The following PTGIS variants were observed in gnomAD, a reference collection of about 807,000 sequenced individuals.
PTGIS encodes prostaglandin I2 synthase.
In PTGIS, 45 loss-of-function variants were observed where a neutral mutation model predicts 50.3. That is an observed-to-expected ratio of 0.90 (90% CI 0.70 to 1.15). The LOEUF (loss-of-function observed/expected upper bound fraction) is 1.15, where lower values mean the gene tolerates loss of function less well. Among genes scored for constraint, PTGIS ranks in the 50% most tolerant of loss-of-function variants. The probability of loss-of-function intolerance (pLI) is 0.00; values close to 1 mark genes in which losing one functional copy is unlikely to be tolerated. For synonymous variants in PTGIS, 260 were observed against 267.7 expected (o/e 0.97, Z 0.28); for missense variants, 668 against 661.3 (o/e 1.01, Z -0.11).
At position 49,539,688 on chromosome 20, in the gene PTGIS, C is replaced by T. The variant is rs572751437; in HGVS notation, c.555G>A (p.Ala185=). ...CCTGGCTTTCATGGGTGCGTGGCAG[C>T]GCCTCAATTCCGTAAAGAGTCAGGT... ...AGYLTLYGIE[A]LPRTHESQAQ... Residue 185 remains alanine (A), a synonymous_variant, in exon 5 of 10, where the codon GCG becomes GCA. Transcript: ENST00000244043. The T allele has an allele frequency of 5.0e-6, 8 of 1,613,422 alleles. No homozygotes were observed. The highest frequency in any genetic ancestry group is 1.1e-5 in the South Asian group (1 of 90,962).
chr20:49,505,080 G>A lies in PTGIS; in HGVS notation c.*2840C>T, dbSNP rs971530786. On this transcript the variant is annotated 3_prime_UTR_variant, in exon 10 of 10. Coordinates refer to ENST00000244043, the MANE Select transcript of PTGIS (RefSeq NM_000961.4). ...AGAGCTTGCAGTGAGCCGAGATCAC[G>A]CCACTGCACTCTAGCCTGGGCAGCA... 1.5e-5 allele frequency: 2 copies of A among 133,284 alleles called. No individual in the cohort carries two copies. Among genetic ancestry groups the A allele is most frequent in the Non-Finnish European group, 3.0e-5 (2 of 66,194 alleles). The allele number at this position is 133,284 out of a possible 1,614,324, so 8.3% of individuals were successfully genotyped here. A position where few individuals can be genotyped will look rare whatever the true frequency, so the allele number is the denominator to read the frequency against.
rs777270308 is a variant in PTGIS at position 49,508,057 on chromosome 20, A to G, written c.1366T>C (p.Phe456Leu). 1.2e-5 allele frequency: 19 copies of G among 1,613,758 alleles called. No individual in the cohort carries two copies. Among genetic ancestry groups the G allele is most frequent in the Non-Finnish European group, 2.5e-6 (3 of 1,180,034 alleles). The part of the protein sequence containing the change: ...YAVNSIKQFV[F>L]LVLVHLDLEL... ...AAGTCCAAGTGCACCAGCACAAGGA[A>G]CACAAATCTGCAGAGAGATGGCATG... is the stretch of plus-strand genomic sequence containing the variant. The change falls in exon 10 of 10, where the codon TTC becomes CTC. Residue 456 changes from phenylalanine (F) to leucine (L), a missense_variant. By Grantham distance (22) the Phe-to-Leu change is conservative (BLOSUM62 0). Transcript: ENST00000244043.
Position 49,514,230 on chromosome 20 carries a change from G to T in PTGIS, c.1021C>A (p.Leu341Ile). Residue 341 changes from leucine (L) to isoleucine (I), a missense_variant, in exon 7 of 10, where the codon CTT (leucine) becomes ATT (isoleucine). Coordinates refer to ENST00000244043, the MANE Select transcript of PTGIS (RefSeq NM_000961.4). Reference sequence around the variant, plus strand: ...TTGGAGGGTCTGACGATCTCACCAAGCACAGGTGTGCTGTCTAGAACCTTC... The same window carrying T: ...TTGGAGGGTCTGACGATCTCACCAATCACAGGTGTGCTGTCTAGAACCTTC... ...PQKVLDSTPV[L>I]DSVLSESLRL... 1 of 1,613,774 alleles carries T rather than the reference G, an allele frequency of 6.2e-7. No individual in the cohort carries two copies. Among genetic ancestry groups the T allele is most frequent in the African/African-American group, 1.3e-5 (1 of 75,058 alleles).
chr20:49,547,741 A>G, intron 3 of PTGIS, 100 bp downstream of exon 3: 8 of 1,344,674 alleles, frequency 5.9e-6, no homozygotes, highest in Non-Finnish European at 7.4e-6. Flanking sequence ...AAATGTCTTT[A>G]CCGAACATTT....
chr20:49,558,427 A>T (rs1194960667), intron 1 of PTGIS, among the ~76,000 whole-genome samples: 3 of 152,172 alleles, frequency 2.0e-5, no homozygotes, highest in Non-Finnish European at 4.4e-5. Flanking sequence ...GTTAGCAAGG[A>T]TGTGGAGAAG....
At chr20:49,549,480 C>T (rs1982449980) in intron 2 of PTGIS, among the ~76,000 whole-genome samples, 1 of 152,166 alleles carries the variant, frequency 6.6e-6, no homozygotes, top group Admixed American at 6.5e-5. Flanking sequence ...ATATGGAACC[C>T]ACCCATGGAT....
intron 1 of PTGIS, among the ~76,000 whole-genome samples, chr20:49,567,734 C>T (rs959362544): frequency 2.0e-5 from 3 of 152,216 alleles, no homozygotes; most frequent in Admixed American, 6.5e-5. Flanking sequence ...TCACCTGAAA[C>T]CCCCTCCTAG....
At chr20:49,541,005 C>A (rs1982212171) in intron 4 of PTGIS, among the ~76,000 whole-genome samples, 1 of 152,202 alleles carries the variant, frequency 6.6e-6, no homozygotes, top group Non-Finnish European at 1.5e-5. Context: ...GAGAGGCCTG[C>A]GTGGTCCCTG....
intron 2 of PTGIS, among the ~76,000 whole-genome samples, chr20:49,548,295 T>G (rs1982416765): frequency 6.6e-6 from 1 of 152,202 alleles, no homozygotes; most frequent in South Asian, 2.1e-4. Flanking sequence ...TTGGGAATAT[T>G]GAGGCTTTTT....
At position 49,504,160 on chromosome 20, in the gene PTGIS, C is replaced by T. The variant is rs1165696725; in HGVS notation, c.*3760G>A. On this transcript the variant is annotated 3_prime_UTR_variant, in exon 10 of 10. Coordinates refer to ENST00000244043, the MANE Select transcript of PTGIS (RefSeq NM_000961.4). ...CCCTGGTCGCCCATGGGATGAGAAA[C>T]TTACTCCTGCTTCTGTCCCTGGAGA... The T allele has an allele frequency of 6.6e-6, 1 of 152,198 alleles. No homozygotes were observed. Among genetic ancestry groups the T allele is most frequent in the African/African-American group, 2.4e-5 (1 of 41,456 alleles). 9.4% of individuals were successfully genotyped at this position (152,198 alleles called of 1,614,324 possible).
chr20:49,507,562 G>C lies in PTGIS; in HGVS notation c.*358C>G. 1 of 379,230 alleles carries C rather than the reference G, an allele frequency of 2.6e-6. No individual in the cohort carries two copies. The highest frequency in any genetic ancestry group is 8.8e-4 in the Middle Eastern group (1 of 1,134). 23.5% of individuals were successfully genotyped at this position (379,230 alleles called of 1,614,324 possible). On this transcript the variant is annotated 3_prime_UTR_variant, in exon 10 of 10. Transcript: ENST00000244043. ...GGGCCATGCTAGCTCATAAGAACTA[G>C]GAAGGTGACACCTCCGGGAGTTGGG...
intron 8 of PTGIS, among the ~76,000 whole-genome samples, chr20:49,512,799 G>A (rs570921775): frequency 3.3e-5 from 5 of 152,262 alleles, no homozygotes; most frequent in Admixed American, 3.3e-4. Context: ...GTGAAAAAAG[G>A]TAGGAGCCAA....
chr20:49,544,192 C>T, intron 4 of PTGIS, 113 bp downstream of exon 4: 1 of 1,436,508 alleles, frequency 7.0e-7, no homozygotes, highest in Non-Finnish European at 9.5e-7. Flanking sequence ...TTGGGTGTCT[C>T]AAATTGCTTC....
At chr20:49,542,733 C>G (rs1465935024) in intron 4 of PTGIS, among the ~76,000 whole-genome samples, 1 of 152,180 alleles carries the variant, frequency 6.6e-6, no homozygotes, top group East Asian at 1.9e-4. Context: ...ACTGTTTGCA[C>G]CACCCCAGGG....
At position 49,506,292 on chromosome 20, in the gene PTGIS, C is replaced by CAATAA. The variant is rs1981149676; in HGVS notation, c.*1623_*1627dup. On this transcript the variant is annotated 3_prime_UTR_variant, in exon 10 of 10. Transcript: ENST00000244043. ...TCTCTCGCAGGCATTTAAAGGGTCT[C>CAATAA]AATAAACAGGACTTTATATTAATAA... 1 of 152,276 alleles carries CAATAA rather than the reference C, an allele frequency of 6.6e-6. No homozygotes were observed. Among genetic ancestry groups the CAATAA allele is most frequent in the East Asian group, 1.9e-4 (1 of 5,188 alleles). The allele number at this position is 152,276 out of a possible 1,614,324, so 9.4% of individuals were successfully genotyped here.
At chr20:49,533,571 T>A (rs1415276232) in intron 5 of PTGIS, among the ~76,000 whole-genome samples, 2 of 152,124 alleles carry the variant, frequency 1.3e-5, no homozygotes, top group African/African-American at 4.8e-5. Context: ...AAATAAAGAA[T>A]CTAAGAGTTC....
Position 49,544,420 on chromosome 20 carries a change from G to A in PTGIS, c.406C>T (p.Leu136Phe), listed in dbSNP as rs1982307393. ...LTLLHRELQA[L>F]TEAMYTNLHA... ...AGGTTGGTATACATGGCTTCTGTGA[G>A]TGCCTGGAGCTCTCTGTGGAGAAGA... The change falls in exon 4 of 10, where the codon CTC (leucine) becomes TTC (phenylalanine). Residue 136 changes from leucine to phenylalanine, a missense_variant. Physicochemically the swap from Leu to Phe is conservative, Grantham distance 22 (BLOSUM62 0). Transcript: ENST00000244043. 1.2e-6 allele frequency: 2 copies of A among 1,614,042 alleles called. No individual in the cohort carries two copies. Among genetic ancestry groups the A allele is most frequent in the Non-Finnish European group, 8.5e-7 (1 of 1,180,032 alleles).
At position 49,544,302 on chromosome 20, in the gene PTGIS, C is replaced by CT; in HGVS notation, c.521+2_521+3insA. The CT allele has an allele frequency of 6.2e-7, 1 of 1,614,090 alleles. No individual in the cohort carries two copies. Among genetic ancestry groups the CT allele is most frequent in the Non-Finnish European group, 8.5e-7 (1 of 1,180,012 alleles). On this transcript the variant is annotated splice_region_variant and intron_variant, in intron 4 of 9. Coordinates refer to ENST00000244043, the MANE Select transcript of PTGIS (RefSeq NM_000961.4). Reference sequence around the variant, plus strand: ...CAGGAGGGTGGGGGCTGCACAGCCTCACCTGAGCAGGAAGCTGTAGGAGAA... The same window carrying CT: ...CAGGAGGGTGGGGGCTGCACAGCCTCTACCTGAGCAGGAAGCTGTAGGAGAA...
chr20:49,524,976 C>T (rs1981759112), intron 5 of PTGIS, among the ~76,000 whole-genome samples: 1 of 152,206 alleles, frequency 6.6e-6, no homozygotes, highest in South Asian at 2.1e-4. Flanking sequence ...AGAAGGAACA[C>T]TAAACACTGA....
Sources: allele counts gnomAD v4.1 joint callset (sites outside exome capture counted in the v4.1 genomes callset), GRCh38; gene constraint gnomAD v4.1.1; transcripts MANE v1.5; gene names NCBI Gene and HGNC (gene_info 2026-07-23, HGNC 2026-07-21).